Variants in GRAMD1B observed in about 807,000 individuals in gnomAD.
The protein encoded by GRAMD1B is protein Aster-B.
GRAMD1B carries 37 observed loss-of-function variants against 99.7 expected under a neutral mutation model. That is an observed-to-expected ratio of 0.37 (90% CI 0.29 to 0.49). The LOEUF (loss-of-function observed/expected upper bound fraction) is 0.49, where lower values mean the gene tolerates loss of function less well. Among genes scored for constraint, GRAMD1B ranks in the 20% least tolerant of loss-of-function variants. The pLI is 0.98. For synonymous variants in GRAMD1B, 427 were observed against 387.6 expected, an observed-to-expected ratio of 1.10 and a Z score of -1.19; for missense variants, 888 against 1,009.2, an observed-to-expected ratio of 0.88 and a Z score of 1.63.
At chr11:123,526,136 C>T (rs17740690) in intron 2 of GRAMD1B, 101,479 of 1,609,970 alleles carry the variant, frequency 0.063, 3,680 homozygotes, top group Non-Finnish European at 0.071. Flanking sequence ...AGTGGATTAT[C>T]GTGACTGTAC....
intron 1 of GRAMD1B, among the ~76,000 whole-genome samples, chr11:123,455,054 C>T (rs560925945): frequency 6.6e-6 from 1 of 152,242 alleles, no homozygotes; most frequent in Admixed American, 6.5e-5. Context: ...TCCCCATCAA[C>T]ATCAATGACA....
At chr11:123,406,197 C>T (rs1947850072) in intron 1 of GRAMD1B, among the ~76,000 whole-genome samples, 1 of 151,170 alleles carries the variant, frequency 6.6e-6, no homozygotes, top group Admixed American at 6.6e-5. Flanking sequence ...CTCCTGACTT[C>T]AAGTGATCCT....
intron 1 of GRAMD1B, among the ~76,000 whole-genome samples, chr11:123,440,727 A>G (rs535694006): frequency 4.6e-5 from 7 of 152,322 alleles, no homozygotes; most frequent in African/African-American, 1.7e-4. Context: ...CTGCATAAGA[A>G]GCATGGTGCC....
In GRAMD1B at chr11:123,613,483, T is replaced by C; in HGVS notation, c.2052T>C (p.Thr684=). The C allele has an allele frequency of 6.2e-7, 1 of 1,612,494 alleles. No individual in the cohort carries two copies. Among genetic ancestry groups the C allele is most frequent in the African/African-American group, 1.3e-5 (1 of 75,016 alleles). Reference sequence around the variant, plus strand: ...GCGAGCTGGCCAAAACGGAGAGCACTTATTTGGCTGAGATGCACAGACAAT... The same window carrying C: ...GCGAGCTGGCCAAAACGGAGAGCACCTATTTGGCTGAGATGCACAGACAAT... The part of the protein sequence containing the change: ...LESELAKTES[T]YLAEMHRQSP... The change falls in exon 16 of 20, where the codon ACT becomes ACC. Residue 684 remains threonine (T), a synonymous_variant. Transcript: ENST00000635736.
At chr11:123,409,336 A>G (rs1947960167) in intron 1 of GRAMD1B, among the ~76,000 whole-genome samples, 1 of 152,222 alleles carries the variant, frequency 6.6e-6, no homozygotes. Flanking sequence ...TGAGTGTTAT[A>G]TGTGTAGCAG....
chr11:123,539,111 G>A (rs1242074759), intron 2 of GRAMD1B, among the ~76,000 whole-genome samples: 1 of 152,094 alleles, frequency 6.6e-6, no homozygotes, highest in East Asian at 1.9e-4. Context: ...TGTAATCCCA[G>A]CTACTCGGCA....
intron 2 of GRAMD1B, among the ~76,000 whole-genome samples, chr11:123,511,702 A>G (rs1941042526): frequency 6.6e-6 from 1 of 152,178 alleles, no homozygotes; most frequent in Non-Finnish European, 1.5e-5. Flanking sequence ...CAAGGCTCAG[A>G]CTTCTGGAGC....
chr11:123,588,230 C>T (rs1039127930), intron 4 of GRAMD1B, among the ~76,000 whole-genome samples: 11 of 152,172 alleles, frequency 7.2e-5, no homozygotes, highest in Admixed American at 1.3e-4. Context: ...CCTCCACCCC[C>T]TCCTTCTCGC....
intron 2 of GRAMD1B, among the ~76,000 whole-genome samples, chr11:123,554,394 A>G (rs1945933238): frequency 6.6e-6 from 1 of 152,230 alleles, no homozygotes; most frequent in Admixed American, 6.5e-5. Context: ...AAAATTTAAT[A>G]TTAAGAATCA....
intron 2 of GRAMD1B, among the ~76,000 whole-genome samples, chr11:123,529,876 C>T (rs994758979): frequency 5.3e-5 from 8 of 152,112 alleles, no homozygotes; most frequent in African/African-American, 7.2e-5. Context: ...TCCCTGTCCT[C>T]GTGTTCCTGG....
chr11:123,586,426 T>C lies in GRAMD1B; in HGVS notation c.684+2094T>C, dbSNP rs140858468. 2.0e-5 allele frequency among the ~76,000 whole-genome samples: 3 copies of C among 152,316 alleles called. No individual in the cohort carries two copies. The East Asian group carries it at 5.8e-4, about 29-fold the overall frequency. On this transcript the variant is annotated intron_variant, in intron 4 of 19. Transcript: ENST00000635736. ...CCCAAGTGCATTACAGAAACATCCC[T>C]GACTCTCCACTTAGCTCAGATCATT...
At chr11:123,482,971 A>G (rs1951693811) in intron 2 of GRAMD1B, among the ~76,000 whole-genome samples, 1 of 151,852 alleles carries the variant, frequency 6.6e-6, no homozygotes, top group African/African-American at 2.4e-5. Flanking sequence ...AGGCAGAATC[A>G]CTTGAACCCA....
At chr11:123,434,767 G>A (rs905582662) in intron 1 of GRAMD1B, among the ~76,000 whole-genome samples, 4 of 152,172 alleles carry the variant, frequency 2.6e-5, no homozygotes, top group Non-Finnish European at 5.9e-5. Flanking sequence ...CAGCCTGGGC[G>A]ACAGAGCAAG....
intron 1 of GRAMD1B, among the ~76,000 whole-genome samples, chr11:123,364,002 G>T (rs1946235381): frequency 6.6e-6 from 1 of 152,188 alleles, no homozygotes; most frequent in Non-Finnish European, 1.5e-5. Context: ...GACATGGTTG[G>T]TTGGGTGGAT....
intron 7 of GRAMD1B, chr11:123,598,056 G>A: frequency 2.1e-6 from 3 of 1,429,368 alleles, no homozygotes; most frequent in South Asian, 2.3e-5. Context: ...GAAGCCTTCT[G>A]CAATTTCAGT....
intron 2 of GRAMD1B, among the ~76,000 whole-genome samples, chr11:123,508,497 G>A (rs1940655896): frequency 6.6e-6 from 1 of 152,202 alleles, no homozygotes; most frequent in African/African-American, 2.4e-5. Context: ...AAATTATGGA[G>A]CACTGTACAA....
intron 1 of GRAMD1B, among the ~76,000 whole-genome samples, chr11:123,433,728 A>G (rs535406116): frequency 6.6e-6 from 1 of 151,930 alleles, no homozygotes; most frequent in South Asian, 2.1e-4. Context: ...GTGTGTATGA[A>G]GAAAAAAATC....
chr11:123,579,389 C>T (rs537332940), intron 3 of GRAMD1B, among the ~76,000 whole-genome samples: 1 of 152,332 alleles, frequency 6.6e-6, no homozygotes, highest in African/African-American at 2.4e-5. Context: ...CACGGCTAAT[C>T]CTGTAGTCTG....
At chr11:123,391,450 GT>G (rs974026200) in intron 1 of GRAMD1B, among the ~76,000 whole-genome samples, 1 of 152,042 alleles carries the variant, frequency 6.6e-6, no homozygotes, top group Admixed American at 6.6e-5. Flanking sequence ...ATTTTAGTTT[GT>G]TTTTTGTTTG....
Sources: allele counts gnomAD v4.1 joint callset (sites outside exome capture counted in the v4.1 genomes callset), GRCh38; gene constraint gnomAD v4.1.1; transcripts MANE v1.5; gene names NCBI Gene and HGNC (gene_info 2026-07-23, HGNC 2026-07-21).